Variants in TRABD2A observed in about 807,000 individuals in gnomAD.
TRABD2A encodes metalloprotease TIKI1.
A neutral mutation model predicts 45.6 loss-of-function variants in TRABD2A; 43 were observed. The observed-to-expected ratio is 0.94, with a 90% confidence interval of 0.74 to 1.22. The LOEUF (loss-of-function observed/expected upper bound fraction) is 1.22. TRABD2A is among the 50% of genes most tolerant of loss of function. The probability of loss-of-function intolerance (pLI) is 0.00; values close to 1 mark genes in which losing one functional copy is unlikely to be tolerated. For synonymous variants in TRABD2A, 269 were observed against 265.0 expected, an observed-to-expected ratio of 1.02 and a Z score of -0.15; for missense variants, 642 against 652.4, an observed-to-expected ratio of 0.98 and a Z score of 0.17.
chr2:84,870,901 A>T, intron 1 of TRABD2A, 116 bp from the exon 2 acceptor site: 1 of 1,055,260 alleles, frequency 9.5e-7, no homozygotes. Context: ...AGTAGAATTT[A>T]GACTTTTGAG....
At chr2:84,877,388 G>GA (rs751021709) in intron 1 of TRABD2A, among the ~76,000 whole-genome samples, 14 of 151,012 alleles carry the variant, frequency 9.3e-5, no homozygotes, top group African/African-American at 1.7e-4. Flanking sequence ...TGGTTTAAAA[G>GA]AAAAAAAAAC....
Position 84,841,950 on chromosome 2 carries a change from G to C in TRABD2A, c.727C>G (p.Leu243Val). Residue 243 changes from leucine to valine, a missense_variant, in exon 3 of 7, where the codon CTT (leucine) becomes GTT (valine). Leu to Val is a conservative substitution (Grantham distance 32, BLOSUM62 1). Transcript: ENST00000409520. ...TCCTCCGTCGTGTAGGGGATCTGAA[G>C]ACTGCCTGCTCGCAGGCTTTCCTGC... is the stretch of plus-strand genomic sequence containing the variant. ...LQQESLRAGS[L>V]QIPYTTEDLI... is the part of the protein sequence containing the mutation. 6.5e-7 allele frequency: 1 copy of C among 1,544,098 alleles called. No homozygotes were observed. The highest frequency in any genetic ancestry group is 1.2e-5 in the South Asian group (1 of 83,534).
In TRABD2A at chr2:84,870,307, G is replaced by C. The variant is rs376534684; in HGVS notation, c.587C>G (p.Ala196Gly). The change falls in exon 2 of 7, where the codon GCT (alanine) becomes GGT (glycine). Residue 196 changes from alanine to glycine, a missense_variant. Coordinates refer to ENST00000409520, the MANE Select transcript of TRABD2A (RefSeq NM_001277053.2). ...PVLDLFLAQEAERLRKQTGAV... is the reference protein window; with the variant it reads ...PVLDLFLAQEGERLRKQTGAV... ...CCCAGTCTGTTTCCTCAGCCGCTCA[G>C]CCTCCTGGGCAAGGAACAGGTCTAA... 7 of 1,613,976 alleles carry C rather than the reference G, an allele frequency of 4.3e-6. No homozygotes were observed. Among genetic ancestry groups the C allele is most frequent in the Non-Finnish European group, 4.2e-6 (5 of 1,179,892 alleles).
intron 1 of TRABD2A, among the ~76,000 whole-genome samples, chr2:84,875,738 G>C (rs768186248): frequency 1.7e-4 from 26 of 152,116 alleles, no homozygotes; most frequent in Non-Finnish European, 3.2e-4. Flanking sequence ...TGGCCAGCAC[G>C]GTGCCTCATG....
At chr2:84,871,938 A>G (rs191653128) in intron 1 of TRABD2A, among the ~76,000 whole-genome samples, 33 of 152,318 alleles carry the variant, frequency 2.2e-4, no homozygotes, top group African/African-American at 7.7e-4. Flanking sequence ...AGTTTCAATC[A>G]CAGAGATCTG....
chr2:84,879,877 G>T (rs1316753622), intron 1 of TRABD2A, among the ~76,000 whole-genome samples: 2 of 152,218 alleles, frequency 1.3e-5, no homozygotes, highest in Non-Finnish European at 2.9e-5. Flanking sequence ...CTTTGCTGCA[G>T]TTGGGATGAG....
chr2:84,844,620 C>T (rs1447639950), intron 2 of TRABD2A, among the ~76,000 whole-genome samples: 2 of 152,230 alleles, frequency 1.3e-5, no homozygotes, highest in Non-Finnish European at 2.9e-5. Context: ...TAAGCCCCTG[C>T]ATTCTAAAGC....
chr2:84,866,626 G>C (rs900858477), intron 2 of TRABD2A, among the ~76,000 whole-genome samples: 7 of 150,772 alleles, frequency 4.6e-5, no homozygotes, highest in Non-Finnish European at 7.4e-5. Flanking sequence ...GGTAGGCACT[G>C]TATGTTCACT....
At chr2:84,861,172 A>G (rs1466804081) in intron 2 of TRABD2A, among the ~76,000 whole-genome samples, 1 of 152,104 alleles carries the variant, frequency 6.6e-6, no homozygotes, top group Non-Finnish European at 1.5e-5. Context: ...GTGGAAGACA[A>G]TTTTTCCACA....
At chr2:84,848,834 A>G (rs1681992737) in intron 2 of TRABD2A, among the ~76,000 whole-genome samples, 3 of 152,050 alleles carry the variant, frequency 2.0e-5, no homozygotes, top group Admixed American at 6.6e-5. Context: ...TCGGCCTCCC[A>G]AAGTGCTGGG....
At position 84,874,697 on chromosome 2, in the gene TRABD2A, C is replaced by T. The variant is rs529381340; in HGVS notation, c.109-3912G>A. The T allele has an allele frequency of 4.1e-4, 79 of 192,608 alleles. 2 individuals are homozygous for T. The South Asian group carries it at 7.9e-3, about 19-fold the overall frequency. The allele number at this position is 192,608 out of a possible 1,614,324, so 11.9% of individuals were successfully genotyped here. A position where few individuals can be genotyped will look rare whatever the true frequency, so the allele number is the denominator to read the frequency against. On this transcript the variant is annotated intron_variant, in intron 1 of 6. Transcript: ENST00000409520. ...TCAATGCCTCATCTGTGCTGGCCAC[C>T]AAGATCAGCCCCCCTGCGTCTGTCT...
intron 2 of TRABD2A, among the ~76,000 whole-genome samples, chr2:84,860,104 A>T (rs2105398834): frequency 6.6e-6 from 1 of 152,080 alleles, no homozygotes; most frequent in Middle Eastern, 3.4e-3. Flanking sequence ...AAGGTGAAAA[A>T]CCTTCTACAG....
rs541068547 is a variant in TRABD2A at position 84,836,204 on chromosome 2, A to G, written c.991+2945T>C. 9.2e-5 allele frequency: 14 copies of G among 152,394 alleles called. No homozygotes were observed. The South Asian group carries it at 2.3e-3, about 25-fold the overall frequency. The allele number at this position is 152,394 out of a possible 1,614,324, so 9.4% of individuals were successfully genotyped here. A position where few individuals can be genotyped will look rare whatever the true frequency, so the allele number is the denominator to read the frequency against. Reference sequence around the variant, plus strand: ...GAATATAGTTGAACTGAAGAGCATCATCAATCAAATTGATCTAATTGACAT... The same window carrying G: ...GAATATAGTTGAACTGAAGAGCATCGTCAATCAAATTGATCTAATTGACAT... On this transcript the variant is annotated intron_variant, in intron 4 of 6. Transcript: ENST00000409520.
At chr2:84,851,033 A>G (rs1206673747) in intron 2 of TRABD2A, 2 of 152,260 alleles carry the variant, frequency 1.3e-5, no homozygotes, top group Non-Finnish European at 2.9e-5. Context: ...GTCCTGTGCT[A>G]TAAGAAACAG....
chr2:84,845,566 AG>A (rs1035703046), intron 2 of TRABD2A, among the ~76,000 whole-genome samples: 2,429 of 145,314 alleles, frequency 0.017, 76 homozygotes, highest in African/African-American at 0.062. Context: ...GGGGGAGACA[AG>A]GGCGGGGGAA....
Position 84,870,263 on chromosome 2 carries a change from C to T in TRABD2A, c.631G>A (p.Glu211Lys). Residue 211 changes from glutamate to lysine, a missense_variant, in exon 2 of 7, where the codon GAG becomes AAG. Physicochemically the swap from Glu to Lys is moderately conservative, Grantham distance 56. Coordinates refer to ENST00000409520, the MANE Select transcript of TRABD2A (RefSeq NM_001277053.2). ...AACCCATTCAATGGATGGCACTGCT[C>T]TTCCACCTTTTCCACTGCCCCAGTC... ...KQTGAVEKVE[E>K]QCHPLNGLNF... The T allele has an allele frequency of 1.9e-6, 3 of 1,613,884 alleles. No individual in the cohort carries two copies. Among genetic ancestry groups the T allele is most frequent in the Non-Finnish European group, 2.5e-6 (3 of 1,179,836 alleles).
chr2:84,825,549 C>A (rs903183930), intron 5 of TRABD2A, among the ~76,000 whole-genome samples: 1 of 152,180 alleles, frequency 6.6e-6, no homozygotes, highest in Non-Finnish European at 1.5e-5. Context: ...CTCCTGAGCT[C>A]AGCGCAATGC....
At chr2:84,846,607 CAG>C (rs1681906204) in intron 2 of TRABD2A, among the ~76,000 whole-genome samples, 1 of 152,222 alleles carries the variant, frequency 6.6e-6, no homozygotes, top group African/African-American at 2.4e-5. Context: ...CAATGAAAGT[CAG>C]AGGAAGGCTC....
At chr2:84,827,258 C>T (rs1192282) in intron 5 of TRABD2A, among the ~76,000 whole-genome samples, 27,432 of 152,202 alleles carry the variant, frequency 0.18, 2,543 homozygotes, top group African/African-American at 0.24. Flanking sequence ...CTGCATTTCA[C>T]GCAGCCTCCT....
Sources: allele counts gnomAD v4.1 joint callset (sites outside exome capture counted in the v4.1 genomes callset), GRCh38; gene constraint gnomAD v4.1.1; transcripts MANE v1.5; gene names NCBI Gene and HGNC (gene_info 2026-07-23, HGNC 2026-07-21).